Variants in STK39 observed in about 807,000 individuals in gnomAD.
STK39 encodes the protein STE20/SPS1-related proline-alanine-rich protein kinase.
STK39 carries 20 observed loss-of-function variants against 77.8 expected under a neutral mutation model. The ratio of observed to expected loss-of-function variants is 0.26; its 90% confidence interval spans 0.18 to 0.37. STK39 has a LOEUF of 0.37. Among genes scored for constraint, STK39 ranks in the 10% least tolerant of loss-of-function variants. The pLI is 1.00. For synonymous variants in STK39, 246 were observed against 234.1 expected, an observed-to-expected ratio of 1.05 and a Z score of -0.47; for missense variants, 479 against 656.5, an observed-to-expected ratio of 0.73 and a Z score of 2.95.
intron 5 of STK39, among the ~76,000 whole-genome samples, chr2:168,149,496 G>A: frequency 6.6e-6 from 1 of 152,236 alleles, no homozygotes; most frequent in East Asian, 1.9e-4. Context: ...CTTGCTACGT[G>A]AGATAATTAA....
At chr2:168,165,065 GAA>G (rs1020521953) in intron 3 of STK39, among the ~76,000 whole-genome samples, 4 of 149,750 alleles carry the variant, frequency 2.7e-5, no homozygotes, top group Non-Finnish European at 5.9e-5. Context: ...TTCCCCAGAG[GAA>G]AAAAAAACCT....
At position 168,138,215 on chromosome 2, in the gene STK39, T is replaced by C. The variant is rs916396480; in HGVS notation, c.847A>G (p.Met283Val). Residue 283 changes from methionine to valine, a missense_variant, in exon 8 of 18, where the codon ATG becomes GTG. By Grantham distance (21) the Met-to-Val change is conservative (BLOSUM62 1). This residue lies in a region of STK39 where 139 missense variants were observed against 280.6 expected (regional missense o/e 0.50). Coordinates refer to ENST00000355999, the MANE Select transcript of STK39 (RefSeq NM_013233.3). ...YHKYPPMKVL[M>V]LTLQNDPPTL... ...GGTGGATCATTTTGCAAAGTCAACA[T>C]TAACACCTGCAGCAGAAACAAACAT... The C allele has an allele frequency of 6.2e-7, 1 of 1,611,864 alleles. No individual in the cohort carries two copies. Among genetic ancestry groups the C allele is most frequent in the Non-Finnish European group, 8.5e-7 (1 of 1,178,830 alleles).
intron 16 of STK39, among the ~76,000 whole-genome samples, chr2:167,977,547 A>G (rs1199108272): frequency 4.6e-5 from 7 of 151,270 alleles, no homozygotes; most frequent in Non-Finnish European, 7.4e-5. Context: ...TCTGAGTTGA[A>G]GGTAAGAATT....
At chr2:168,063,158 G>C (rs1685704480) in intron 14 of STK39, among the ~76,000 whole-genome samples, 2 of 150,970 alleles carry the variant, frequency 1.3e-5, no homozygotes, top group Admixed American at 6.6e-5. Context: ...AAGTGTGAAA[G>C]AAACTCATTA....
At chr2:168,146,611 G>A (rs961249098) in intron 5 of STK39, among the ~76,000 whole-genome samples, 4 of 152,168 alleles carry the variant, frequency 2.6e-5, no homozygotes, top group African/African-American at 9.7e-5. Flanking sequence ...GGAAGTACTG[G>A]GTGAGATTGT....
chr2:167,974,317 A>C (rs1683211754), intron 16 of STK39, among the ~76,000 whole-genome samples: 1 of 152,100 alleles, frequency 6.6e-6, no homozygotes, highest in African/African-American at 2.4e-5. Flanking sequence ...AGTGTTTTAA[A>C]CCTTAATATA....
chr2:168,071,663 C>T (rs1428722707), intron 12 of STK39, among the ~76,000 whole-genome samples: 1 of 151,916 alleles, frequency 6.6e-6, no homozygotes, highest in Non-Finnish European at 1.5e-5. Flanking sequence ...TGGCAGATCA[C>T]GAGGTCAGGA....
intron 16 of STK39, among the ~76,000 whole-genome samples, chr2:167,974,085 CTT>C (rs1683195864): frequency 6.6e-6 from 1 of 152,054 alleles, no homozygotes; most frequent in Admixed American, 6.6e-5. Flanking sequence ...GGCTTTCTCT[CTT>C]AAACAAATTT....
rs141782028 is a variant in STK39, at chr2:168,139,738, G to A, written c.840+551C>T. Among the ~76,000 whole-genome samples the A allele has an allele frequency of 4.9e-3, 740 of 152,092 alleles. 9 individuals carry two copies. Among genetic ancestry groups the A allele is most frequent in the African/African-American group, 0.017 (708 of 41,468 alleles). On this transcript the variant is annotated intron_variant, in intron 7 of 17. Coordinates refer to ENST00000355999, the MANE Select transcript of STK39 (RefSeq NM_013233.3). ...AATAAGCCCTGATACCACTATCTCA[G>A]AACTAAGAGAAATAATGAGGTATAA...
chr2:168,119,995 C>T (rs938587142), intron 10 of STK39, among the ~76,000 whole-genome samples: 2 of 152,170 alleles, frequency 1.3e-5, no homozygotes, highest in African/African-American at 4.8e-5. Flanking sequence ...CCTTAATTTT[C>T]AGGCCTGTAC....
chr2:168,041,199 C>T (rs1685095528), intron 14 of STK39, among the ~76,000 whole-genome samples: 3 of 151,654 alleles, frequency 2.0e-5, no homozygotes, highest in Admixed American at 1.3e-4. Context: ...GAAATATTTG[C>T]TATAATTAAA....
At chr2:168,185,977 G>A (rs1354829700) in intron 1 of STK39, among the ~76,000 whole-genome samples, 8 of 152,264 alleles carry the variant, frequency 5.3e-5, no homozygotes, top group Admixed American at 3.3e-4. Context: ...CTAAAATGCT[G>A]TTGTGGACTG....
chr2:168,123,690 G>A (rs891306557), intron 10 of STK39, among the ~76,000 whole-genome samples: 1 of 151,952 alleles, frequency 6.6e-6, no homozygotes, highest in Non-Finnish European at 1.5e-5. Context: ...CCAACATGGT[G>A]AAATCCCGTC....
intron 10 of STK39, among the ~76,000 whole-genome samples, chr2:168,115,487 T>C (rs955774474): frequency 6.6e-6 from 1 of 152,216 alleles, no homozygotes; most frequent in African/African-American, 2.4e-5. Context: ...GTAACATCTA[T>C]GTAATAATGC....
chr2:168,182,472 C>T (rs946300225), intron 1 of STK39, among the ~76,000 whole-genome samples: 9 of 152,262 alleles, frequency 5.9e-5, no homozygotes, highest in African/African-American at 1.9e-4. Context: ...TACTTCAAGG[C>T]TTTCATGAGA....
intron 1 of STK39, among the ~76,000 whole-genome samples, chr2:168,192,818 G>T (rs1202864137): frequency 6.6e-6 from 1 of 152,198 alleles, no homozygotes; most frequent in Non-Finnish European, 1.5e-5. Context: ...CACCTGGATA[G>T]AAACTAGAAC....
At chr2:168,159,485 T>C (rs1437265143) in intron 5 of STK39, among the ~76,000 whole-genome samples, 2 of 152,176 alleles carry the variant, frequency 1.3e-5, no homozygotes, top group Non-Finnish European at 2.9e-5. Context: ...CAATCTCCTA[T>C]AAAATGAGGA....
intron 14 of STK39, among the ~76,000 whole-genome samples, chr2:168,033,271 G>C (rs1013125949): frequency 6.6e-6 from 1 of 152,048 alleles, no homozygotes; most frequent in Non-Finnish European, 1.5e-5. Context: ...AAGAGTTTCT[G>C]GGCTGAGAGC....
chr2:168,100,649 GA>G (rs1686799547), intron 10 of STK39, among the ~76,000 whole-genome samples: 1 of 152,164 alleles, frequency 6.6e-6, no homozygotes, highest in South Asian at 2.1e-4. Flanking sequence ...CAGAATGGGA[GA>G]AAATTTTTGC....
Sources: gnomAD v4.1 joint callset for allele counts (sites outside exome capture counted in the v4.1 genomes callset) on GRCh38, gnomAD v4.1.1 for gene constraint, gnomAD v4.1.1 regional missense constraint, MANE v1.5 for transcripts, NCBI Gene and HGNC (gene_info 2026-07-23, HGNC 2026-07-21) for gene names.